CCDC91: variants seen among roughly 807,000 people sequenced by gnomAD.
CCDC91 encodes the protein coiled-coil domain-containing protein 91.
In CCDC91, 48 loss-of-function variants were observed where a neutral mutation model predicts 63.2. That is an observed-to-expected ratio of 0.76 (90% CI 0.60 to 0.97). CCDC91 has a LOEUF of 0.97. CCDC91 is among the 50% of genes least tolerant of loss of function. The probability of loss-of-function intolerance (pLI) is 0.00; values close to 1 mark genes in which losing one functional copy is unlikely to be tolerated. For synonymous variants in CCDC91, 167 were observed against 165.8 expected (o/e 1.01, Z -0.06); for missense variants, 500 against 494.6 (o/e 1.01, Z -0.10).
chr12:28,248,540 AG>A (rs1945913245), intron 1 of CCDC91, among the ~76,000 whole-genome samples: 1 of 152,242 alleles, frequency 6.6e-6, no homozygotes, highest in South Asian at 2.1e-4. Context: ...AAAACTAGGA[AG>A]AAGGAAGGAG....
intron 1 of CCDC91, among the ~76,000 whole-genome samples, chr12:28,256,318 GAAAC>G (rs1304964717): frequency 6.6e-6 from 1 of 151,942 alleles, no homozygotes; most frequent in African/African-American, 2.4e-5. Context: ...TGTAAATTAA[GAAAC>G]AATCTATATG....
intron 8 of CCDC91, among the ~76,000 whole-genome samples, chr12:28,430,116 A>G (rs903388424): frequency 6.6e-6 from 1 of 151,966 alleles, no homozygotes; most frequent in African/African-American, 2.4e-5. Context: ...TTTTCATTTT[A>G]TGTTACAATA....
intron 1 of CCDC91, among the ~76,000 whole-genome samples, chr12:28,194,811 G>A (rs1269138036): frequency 6.6e-6 from 1 of 151,648 alleles, no homozygotes; most frequent in African/African-American, 2.4e-5. Flanking sequence ...TGTGGTGGGT[G>A]TTGCAGCTCA....
chr12:28,355,083 C>T (rs996006665), intron 6 of CCDC91, among the ~76,000 whole-genome samples: 35 of 152,070 alleles, frequency 2.3e-4, no homozygotes, highest in Non-Finnish European at 4.7e-4. Context: ...CTTCCTACAT[C>T]GTTTTCTTCC....
At chr12:28,476,732 TAAAG>T (rs1209888866) in intron 11 of CCDC91, among the ~76,000 whole-genome samples, 1 of 151,172 alleles carries the variant, frequency 6.6e-6, no homozygotes, top group African/African-American at 2.4e-5. Context: ...GCAAGACTAA[TAAAG>T]AAGAAAAGAG....
rs943039415 is a variant in CCDC91, at chr12:28,201,775, C to T, written c.-15+11134C>T. ...GTGAACCAGACTCCGTCTGCAATCCCGGCACCCCAGGAGGCCGAGGCTGGC... is the reference window on the plus strand; with the variant it reads ...GTGAACCAGACTCCGTCTGCAATCCTGGCACCCCAGGAGGCCGAGGCTGGC... On this transcript the variant is annotated intron_variant, in intron 1 of 12. Coordinates refer to ENST00000536442, the MANE Select transcript of CCDC91 (RefSeq NM_018318.5). Among the ~76,000 whole-genome samples the T allele has an allele frequency of 4.2e-5, 6 of 143,930 alleles. 1 individual carries two copies. The highest frequency in any genetic ancestry group is 1.9e-4 in the East Asian group (1 of 5,160). The allele number at this position is 143,930 out of a possible 152,430, so 94.4% of individuals were successfully genotyped here.
intron 11 of CCDC91, among the ~76,000 whole-genome samples, chr12:28,473,199 A>G (rs764835900): frequency 8.5e-5 from 13 of 152,278 alleles, no homozygotes; most frequent in Non-Finnish European, 4.4e-5. Context: ...AAAAACTTTC[A>G]GTCAAAGCCC....
intron 12 of CCDC91, among the ~76,000 whole-genome samples, chr12:28,497,362 T>C (rs1402928668): frequency 6.6e-6 from 1 of 151,604 alleles, no homozygotes. Flanking sequence ...AAGTCACACA[T>C]GTTAAGCTTG....
Position 28,383,970 on chromosome 12 carries a change from G to T in CCDC91, c.655-7334G>T, listed in dbSNP as rs78039236. 9.2e-3 allele frequency among the ~76,000 whole-genome samples: 1,399 copies of T among 152,174 alleles called. 27 individuals carry two copies. Among genetic ancestry groups the T allele is most frequent in the African/African-American group, 0.032 (1,330 of 41,528 alleles). On this transcript the variant is annotated intron_variant, in intron 7 of 12. Coordinates refer to ENST00000536442, the MANE Select transcript of CCDC91 (RefSeq NM_018318.5). ...TTCTTCTGAATTATAGGCAAACAAAGCTATAGATTGAAGTTTTAGACCTCC... is the reference window on the plus strand; with the variant it reads ...TTCTTCTGAATTATAGGCAAACAAATCTATAGATTGAAGTTTTAGACCTCC...
At position 28,521,334 on chromosome 12, in the gene CCDC91, A is replaced by G. The variant is rs540345998; in HGVS notation, c.1216-27729A>G. Among the ~76,000 whole-genome samples, 573 of 152,212 alleles carry G rather than the reference A, an allele frequency of 3.8e-3. 4 individuals are homozygous for G. Among genetic ancestry groups the G allele is most frequent in the Non-Finnish European group, 7.0e-3 (475 of 68,008 alleles). On this transcript the variant is annotated intron_variant, in intron 12 of 12. Transcript: ENST00000536442. ...TAGGTATTTTATTCTCTTTGAAGCA[A>G]TTGTGAATGGGAGTTCACTCATGAT... is the stretch of plus-strand genomic sequence containing the variant.
intron 11 of CCDC91, among the ~76,000 whole-genome samples, chr12:28,478,943 C>G (rs35038621): frequency 0.014 from 2,189 of 152,196 alleles, 21 homozygotes; most frequent in Non-Finnish European, 0.023. Flanking sequence ...GAATGACATT[C>G]ATTAAAATAT....
At chr12:28,251,411 A>G (rs999034141) in intron 1 of CCDC91, among the ~76,000 whole-genome samples, 3 of 151,958 alleles carry the variant, frequency 2.0e-5, no homozygotes, top group African/African-American at 7.2e-5. Flanking sequence ...GAAAAATCCT[A>G]ATTTATTTGT....
At chr12:28,396,340 G>A (rs1297079572) in intron 8 of CCDC91, among the ~76,000 whole-genome samples, 2 of 152,294 alleles carry the variant, frequency 1.3e-5, no homozygotes. Context: ...CTGCCACATT[G>A]TCTGAAAGAA....
chr12:28,483,515 C>T (rs1305278747), intron 11 of CCDC91, among the ~76,000 whole-genome samples: 1 of 152,074 alleles, frequency 6.6e-6, no homozygotes, highest in Admixed American at 6.6e-5. Flanking sequence ...CTAGATCTCT[C>T]ATTTCAAATA....
rs144155058 is a variant in CCDC91, at chr12:28,336,520, C to T, written c.577-25918C>T. ...AACTTTCATAGACTTAATAATTCAA[C>T]TTCAACATTTTATTTTAGGCTAACA... is the stretch of plus-strand genomic sequence containing the variant. On this transcript the variant is annotated intron_variant, in intron 6 of 12. Coordinates refer to ENST00000536442, the MANE Select transcript of CCDC91 (RefSeq NM_018318.5). Among the ~76,000 whole-genome samples, 238 of 152,202 alleles carry T rather than the reference C, an allele frequency of 1.6e-3. 1 individual carries two copies. The highest frequency in any genetic ancestry group is 5.4e-3 in the African/African-American group (224 of 41,546).
intron 3 of CCDC91, among the ~76,000 whole-genome samples, chr12:28,270,498 T>G (rs1474232954): frequency 6.6e-6 from 1 of 152,172 alleles, no homozygotes; most frequent in Non-Finnish European, 1.5e-5. Context: ...AATTTGATTA[T>G]TAAGAAATGC....
At chr12:28,342,225 C>G (rs552187470) in intron 6 of CCDC91, among the ~76,000 whole-genome samples, 1 of 152,282 alleles carries the variant, frequency 6.6e-6, no homozygotes, top group East Asian at 1.9e-4. Context: ...AGAAGCCCTT[C>G]CCTAGAGCCT....
At chr12:28,210,168 A>G (rs182235257) in intron 1 of CCDC91, among the ~76,000 whole-genome samples, 3 of 152,320 alleles carry the variant, frequency 2.0e-5, no homozygotes, top group Admixed American at 6.5e-5. Flanking sequence ...GGCTAATTCC[A>G]TATGTCCCCA....
intron 8 of CCDC91, among the ~76,000 whole-genome samples, chr12:28,423,190 G>A (rs1321270479): frequency 6.6e-6 from 1 of 151,940 alleles, no homozygotes; most frequent in Non-Finnish European, 1.5e-5. Flanking sequence ...TAAAAATAAT[G>A]CTCTAAGTAC....
Sources: allele counts gnomAD v4.1 joint callset (sites outside exome capture counted in the v4.1 genomes callset), GRCh38; gene constraint gnomAD v4.1.1; transcripts MANE v1.5; gene names NCBI Gene and HGNC (gene_info 2026-07-23, HGNC 2026-07-21).